Variants in PCDHA2 observed in about 807,000 individuals in gnomAD.
The protein encoded by PCDHA2 is protocadherin alpha-2.
PCDHA2 carries 58 observed loss-of-function variants against 66.0 expected under a neutral mutation model. The ratio of observed to expected loss-of-function variants is 0.88; its 90% CI spans 0.71 to 1.09. The LOEUF is 1.09. PCDHA2 is among the 50% of genes least tolerant of loss of function. The pLI, the probability that PCDHA2 is intolerant of heterozygous loss-of-function variation, is 0.00. For synonymous variants in PCDHA2, 634 were observed against 554.0 expected (o/e 1.14, Z -2.03); for missense variants, 1,267 against 1,242.3 (o/e 1.02, Z -0.30).
At chr5:140,843,653 C>G in intron 1 of PCDHA2, 1 of 1,595,020 alleles carries the variant, frequency 6.3e-7, no homozygotes, top group Non-Finnish European at 8.6e-7. Context: ...CTGCCTTCCT[C>G]CTGATCTGGG....
chr5:140,946,224 C>T (rs1450090999), intron 1 of PCDHA2, among the ~76,000 whole-genome samples: 1 of 151,786 alleles, frequency 6.6e-6, no homozygotes, highest in Non-Finnish European at 1.5e-5. Context: ...AACAGGTATA[C>T]TAAAAAATGC....
intron 1 of PCDHA2, chr5:140,842,374 A>C: frequency 6.2e-7 from 1 of 1,609,340 alleles, no homozygotes; most frequent in Non-Finnish European, 8.5e-7. Flanking sequence ...CTGAGATAGC[A>C]CTGACTTCCT....
chr5:140,934,688 A>G (rs1554210048), intron 1 of PCDHA2, among the ~76,000 whole-genome samples: 2 of 152,186 alleles, frequency 1.3e-5, no homozygotes, highest in African/African-American at 4.8e-5. Flanking sequence ...CAAAACAATG[A>G]ATTGATTCCT....
intron 1 of PCDHA2, among the ~76,000 whole-genome samples, chr5:140,977,127 C>T (rs1197401904): frequency 6.6e-6 from 1 of 152,168 alleles, no homozygotes; most frequent in East Asian, 1.9e-4. Flanking sequence ...AACTGAGTTT[C>T]CTGGTCAGTC....
intron 1 of PCDHA2, among the ~76,000 whole-genome samples, chr5:140,872,375 C>A (rs2053630195): frequency 6.6e-6 from 1 of 152,002 alleles, no homozygotes; most frequent in Admixed American, 6.6e-5. Flanking sequence ...GCCTGTAATC[C>A]CAGCTATTTG....
chr5:140,823,279 C>T lies in PCDHA2; in HGVS notation c.2388+25927C>T, dbSNP rs140654699. 29 of 1,612,318 alleles carry T rather than the reference C, an allele frequency of 1.8e-5. No homozygotes were observed. The highest frequency in any genetic ancestry group is 2.2e-5 in the Non-Finnish European group (26 of 1,179,758). On this transcript the variant is annotated intron_variant, in intron 1 of 3. Coordinates refer to ENST00000526136, the MANE Select transcript of PCDHA2 (RefSeq NM_018905.3). ...GGTGGAGCGGCGGGTGGGCGAGCGC[C>T]CGCTGTCGAGTTACGTTTCGGTGCA...
intron 1 of PCDHA2, chr5:140,853,424 G>A (rs112620213): frequency 1.0e-6 from 1 of 985,928 alleles, no homozygotes; most frequent in African/African-American, 1.8e-5. Context: ...AAGCAGAAGA[G>A]ACACTTTCCT....
At chr5:140,807,372 G>T (rs2149996852) in intron 1 of PCDHA2, 1 of 1,607,576 alleles carries the variant, frequency 6.2e-7, no homozygotes, top group East Asian at 2.2e-5. Flanking sequence ...CTGGTGCCGC[G>T]CCTGTTCCGG....
chr5:140,973,406 T>C (rs1205127002), intron 1 of PCDHA2, among the ~76,000 whole-genome samples: 1 of 152,240 alleles, frequency 6.6e-6, no homozygotes, highest in Non-Finnish European at 1.5e-5. Flanking sequence ...ATCTATGAGC[T>C]TCCACTCCAG....
rs115129184 is a variant in PCDHA2, at chr5:140,964,722, A to G, written c.2389-14227A>G. 3.1e-3 allele frequency among the ~76,000 whole-genome samples: 468 copies of G among 152,140 alleles called. 3 individuals are homozygous for G. The highest frequency in any genetic ancestry group is 5.1e-3 in the Non-Finnish European group (346 of 67,996). On this transcript the variant is annotated intron_variant, in intron 1 of 3. Transcript: ENST00000526136. ...AAGGCCTCCGAGATCAAATTACCAC[A>G]GCAAACTGAGACAGAATTATTGTAG...
intron 1 of PCDHA2, among the ~76,000 whole-genome samples, chr5:140,831,530 T>C (rs1204695597): frequency 6.7e-6 from 1 of 150,262 alleles, no homozygotes; most frequent in Non-Finnish European, 1.5e-5. Flanking sequence ...CTTTTTTTTT[T>C]TTTTTTTTTT....
At chr5:140,881,988 C>A in intron 1 of PCDHA2, 1 of 434,968 alleles carries the variant, frequency 2.3e-6, no homozygotes, top group Non-Finnish European at 4.0e-6. Flanking sequence ...GTGAAAATGT[C>A]AGGAAATGCA....
chr5:140,900,416 T>G (rs1303205296), intron 1 of PCDHA2, among the ~76,000 whole-genome samples: 8 of 152,220 alleles, frequency 5.3e-5, no homozygotes, highest in Admixed American at 5.2e-4. Flanking sequence ...TAGCTGGGAT[T>G]ATAGGCACGT....
chr5:140,988,206 G>GA (rs200168674), intron 3 of PCDHA2, among the ~76,000 whole-genome samples: 41 of 150,634 alleles, frequency 2.7e-4, no homozygotes, highest in Admixed American at 4.6e-4. Flanking sequence ...TCCTTATTAG[G>GA]AAAAAAAAAT....
chr5:140,965,877 G>C (rs1355769719), intron 1 of PCDHA2, among the ~76,000 whole-genome samples: 3 of 152,210 alleles, frequency 2.0e-5, no homozygotes, highest in Non-Finnish European at 4.4e-5. Context: ...CCACTTGGCC[G>C]AGAGCAGAAT....
chr5:140,884,764 T>C (rs2060348326), intron 1 of PCDHA2: 1 of 1,417,012 alleles, frequency 7.1e-7, no homozygotes, highest in Non-Finnish European at 9.3e-7. Flanking sequence ...TATTCTTTAC[T>C]TTAATTTTAA....
intron 1 of PCDHA2, among the ~76,000 whole-genome samples, chr5:140,873,502 T>C (rs1554166743): frequency 3.3e-5 from 5 of 152,346 alleles, no homozygotes; most frequent in Non-Finnish European, 7.3e-5. Context: ...AGTTGTGTCT[T>C]TTATACTTAA....
chr5:140,910,183 A>C (rs2074920018), intron 1 of PCDHA2, among the ~76,000 whole-genome samples: 1 of 152,238 alleles, frequency 6.6e-6, no homozygotes, highest in Non-Finnish European at 1.5e-5. Context: ...TTTATAATTC[A>C]AATTAGTCTT....
intron 1 of PCDHA2, chr5:140,854,017 C>T (rs2042943793): frequency 5.7e-6 from 2 of 349,696 alleles, no homozygotes; most frequent in South Asian, 2.3e-4. Flanking sequence ...AAAAAATTAG[C>T]CGGGCATGGT....
Sources: gnomAD v4.1 joint callset for allele counts (sites outside exome capture counted in the v4.1 genomes callset) on GRCh38, gnomAD v4.1.1 for gene constraint, MANE v1.5 for transcripts, NCBI Gene and HGNC (gene_info 2026-07-23, HGNC 2026-07-21) for gene names.